The following FRMD4A variants were observed in gnomAD, a reference collection of about 807,000 sequenced individuals.
The protein encoded by FRMD4A is FERM domain-containing protein 4A.
A neutral mutation model predicts 129.1 loss-of-function variants in FRMD4A; 29 were observed. The ratio of observed to expected loss-of-function variants is 0.22; its 90% CI spans 0.17 to 0.31. The LOEUF is 0.31. Ranked by LOEUF, FRMD4A falls within the 10% of genes least tolerant of loss-of-function variation. The pLI is 1.00. For missense variants in FRMD4A, 1,272 were observed against 1,375.8 expected (o/e 0.92, Z 1.19); for synonymous variants, 634 against 571.6 (o/e 1.11, Z -1.56).
chr10:13,823,249 G>A (rs1438634435), intron 3 of FRMD4A, among the ~76,000 whole-genome samples: 1 of 152,108 alleles, frequency 6.6e-6, no homozygotes, highest in Non-Finnish European at 1.5e-5. Flanking sequence ...CATGATCCCC[G>A]GGGGACTCTG....
intron 2 of FRMD4A, among the ~76,000 whole-genome samples, chr10:13,904,302 C>T (rs771185390): frequency 1.6e-4 from 25 of 152,284 alleles, no homozygotes; most frequent in Non-Finnish European, 2.6e-4. Context: ...TTTCGCACGG[C>T]CGTACATCTG....
At chr10:13,856,433 A>G (rs1274839374) in intron 3 of FRMD4A, among the ~76,000 whole-genome samples, 1 of 152,144 alleles carries the variant, frequency 6.6e-6, no homozygotes, top group East Asian at 1.9e-4. Flanking sequence ...GGAGACACAG[A>G]TCTAGCCCTC....
chr10:13,907,707 A>C (rs1362041766), intron 2 of FRMD4A, among the ~76,000 whole-genome samples: 1 of 152,186 alleles, frequency 6.6e-6, no homozygotes, highest in African/African-American at 2.4e-5. Flanking sequence ...TTAGGTGATG[A>C]GCGCTGTTCA....
chr10:13,916,003 A>C (rs941481505), intron 2 of FRMD4A, among the ~76,000 whole-genome samples: 3 of 152,190 alleles, frequency 2.0e-5, no homozygotes, highest in Admixed American at 1.3e-4. Flanking sequence ...CAAACACAAC[A>C]TTGTCTGAAT....
intron 22 of FRMD4A, 22 bp from the exon 23 acceptor site, chr10:13,654,534 A>C (rs2081973224): frequency 6.7e-7 from 1 of 1,498,030 alleles, no homozygotes; most frequent in Non-Finnish European, 9.3e-7. Flanking sequence ...TGGTGCAAGA[A>C]AGGCAGAGAG....
chr10:13,937,426 C>T (rs559096523), intron 2 of FRMD4A, among the ~76,000 whole-genome samples: 2 of 152,248 alleles, frequency 1.3e-5, no homozygotes, highest in African/African-American at 2.4e-5. Flanking sequence ...ACTACAACTC[C>T]CGTCACCAAC....
chr10:13,954,915 G>A (rs1565106636), intron 2 of FRMD4A, among the ~76,000 whole-genome samples: 1 of 152,082 alleles, frequency 6.6e-6, no homozygotes, highest in Non-Finnish European at 1.5e-5. Flanking sequence ...GAAATTATCG[G>A]CACATTATCT....
intron 2 of FRMD4A, among the ~76,000 whole-genome samples, chr10:13,872,742 C>T (rs1489547136): frequency 4.6e-5 from 7 of 152,180 alleles, no homozygotes; most frequent in Non-Finnish European, 8.8e-5. Flanking sequence ...GGAGCTCTGG[C>T]TTCAGTATGA....
chr10:13,733,020 G>A (rs1353203335), intron 12 of FRMD4A, among the ~76,000 whole-genome samples: 3 of 152,256 alleles, frequency 2.0e-5, no homozygotes, highest in Non-Finnish European at 4.4e-5. Flanking sequence ...TGTCCCAGCA[G>A]CTTCAGATGA....
At chr10:13,872,043 T>C (rs991388365) in intron 2 of FRMD4A, among the ~76,000 whole-genome samples, 11 of 152,228 alleles carry the variant, frequency 7.2e-5, no homozygotes, top group African/African-American at 2.7e-4. Flanking sequence ...ATGACAGCAA[T>C]TCCTACCTCG....
intron 2 of FRMD4A, among the ~76,000 whole-genome samples, chr10:14,169,183 T>A (rs905551842): frequency 2.0e-5 from 3 of 152,190 alleles, no homozygotes; most frequent in African/African-American, 7.2e-5. Context: ...GAATCCCTTT[T>A]CAGGTAAGAT....
At chr10:13,948,907 C>T (rs2095352560) in intron 2 of FRMD4A, among the ~76,000 whole-genome samples, 1 of 151,858 alleles carries the variant, frequency 6.6e-6, no homozygotes, top group Admixed American at 6.6e-5. Context: ...GCCTCGGCCT[C>T]CCAAAGTGTT....
At chr10:13,842,878 TC>T (rs1204381611) in intron 3 of FRMD4A, among the ~76,000 whole-genome samples, 10 of 152,200 alleles carry the variant, frequency 6.6e-5, no homozygotes, top group Non-Finnish European at 1.2e-4. Context: ...TGATTTCATA[TC>T]CTTTTTTGGT....
chr10:13,975,712 G>A (rs921412200), intron 2 of FRMD4A, among the ~76,000 whole-genome samples: 1 of 151,934 alleles, frequency 6.6e-6, no homozygotes, highest in Non-Finnish European at 1.5e-5. Context: ...GTGTGTCTCT[G>A]TGAATCTCTC....
chr10:13,814,790 G>A (rs1486209880), intron 3 of FRMD4A, among the ~76,000 whole-genome samples: 1 of 152,102 alleles, frequency 6.6e-6, no homozygotes, highest in Non-Finnish European at 1.5e-5. Context: ...CCCAGTGCTG[G>A]CATAGTTTAT....
intron 3 of FRMD4A, among the ~76,000 whole-genome samples, chr10:13,827,173 G>A (rs11258654): frequency 0.55 from 83,895 of 151,996 alleles, 23,318 homozygotes; most frequent in Middle Eastern, 0.72. Context: ...GATCTCGCGA[G>A]GTTACACAAG....
At chr10:13,882,377 G>C (rs546425514) in intron 2 of FRMD4A, among the ~76,000 whole-genome samples, 1 of 152,290 alleles carries the variant, frequency 6.6e-6, no homozygotes, top group East Asian at 1.9e-4. Context: ...GAGGAAGCTC[G>C]AGGCAGGCAT....
intron 2 of FRMD4A, among the ~76,000 whole-genome samples, chr10:14,200,079 G>A (rs1287528818): frequency 6.7e-6 from 1 of 148,598 alleles, no homozygotes; most frequent in Non-Finnish European, 1.5e-5. Context: ...CTGGAGTGCA[G>A]TGCAGTGGTG....
intron 2 of FRMD4A, among the ~76,000 whole-genome samples, chr10:13,869,798 A>T (rs2094419044): frequency 6.6e-6 from 1 of 152,216 alleles, no homozygotes; most frequent in Admixed American, 6.5e-5. Context: ...CATTTCGAGT[A>T]CATTATCAGG....
Sources: gnomAD v4.1 joint callset for allele counts (sites outside exome capture counted in the v4.1 genomes callset) on GRCh38, gnomAD v4.1.1 for gene constraint, MANE v1.5 for transcripts, NCBI Gene and HGNC (gene_info 2026-07-23, HGNC 2026-07-21) for gene names.